Variants in CEACAM1 observed in about 807,000 individuals in gnomAD.
CEACAM1 encodes CEA cell adhesion molecule 1, also known as cell adhesion molecule CEACAM1.
CEACAM1 carries 31 observed loss-of-function variants against 49.1 expected under a neutral mutation model. The observed-to-expected ratio is 0.63, with a 90% CI of 0.47 to 0.85. CEACAM1 has a LOEUF of 0.85. Ranked by LOEUF, CEACAM1 falls within the 40% of genes least tolerant of loss-of-function variation. The pLI, the probability that CEACAM1 is intolerant of heterozygous loss-of-function variation, is 0.00. For missense variants in CEACAM1, 570 were observed against 645.3 expected, an observed-to-expected ratio of 0.88 and a Z score of 1.26; for synonymous variants, 244 against 247.8, an observed-to-expected ratio of 0.98 and a Z score of 0.14.
Position 42,508,966 on chromosome 19 carries a change from TG to T in CEACAM1, c.*142del. 2 of 877,626 alleles carry T rather than the reference TG, an allele frequency of 2.3e-6. No homozygotes were observed. The highest frequency in any genetic ancestry group is 1.8e-6 in the Non-Finnish European group (1 of 569,156). 54.4% of individuals were successfully genotyped at this position (877,626 alleles called of 1,614,324 possible). Reference sequence around the variant, plus strand: ...AGAGAGGGGCAGTGACCAGGCAGCCTGGAGATGCCTATTAGGAAGGAAGAGT... The same window carrying T: ...AGAGAGGGGCAGTGACCAGGCAGCCTGAGATGCCTATTAGGAAGGAAGAGT... On this transcript the variant is annotated 3_prime_UTR_variant, in exon 9 of 9. Coordinates refer to ENST00000161559, the MANE Select transcript of CEACAM1 (RefSeq NM_001712.5).
At chr19:42,525,595 C>CTGA (rs1192059680) in intron 2 of CEACAM1, 1 of 152,202 alleles carries the variant, frequency 6.6e-6, no homozygotes, top group African/African-American at 2.4e-5. Flanking sequence ...TTGGTTAATT[C>CTGA]TCCATTTGAT....
chr19:42,525,428 A>T (rs1344834480), intron 2 of CEACAM1, among the ~76,000 whole-genome samples: 5 of 151,906 alleles, frequency 3.3e-5, no homozygotes, highest in Admixed American at 6.6e-5. Context: ...GGGTTTCACC[A>T]TGTTGGCCAG....
intron 2 of CEACAM1, among the ~76,000 whole-genome samples, chr19:42,524,217 A>G (rs972992602): frequency 9.9e-5 from 15 of 152,216 alleles, no homozygotes; most frequent in Non-Finnish European, 1.2e-4. Flanking sequence ...CCTTATGACA[A>G]TGGTGTCATC....
chr19:42,520,716 ACACCTTCTGCACACACCTGCGTCCTAC>A (rs1272577084), intron 4 of CEACAM1: 11 of 154,810 alleles, frequency 7.1e-5, no homozygotes, highest in African/African-American at 2.2e-4. Flanking sequence ...GGCCACCTGG[ACACCTTCTGCACACACCTGCGTCCTAC>A]CCCACATGGG....
Position 42,521,188 on chromosome 19 carries a change from A to C in CEACAM1, c.958+79T>G, listed in dbSNP as rs548335226. ...CTGTTGGATACAGGCTGCAAAAGAA[A>C]ATTTCTTCTCTGCTCCTATTTGAAA... On this transcript the variant is annotated intron_variant, in intron 4 of 8. Coordinates refer to ENST00000161559, the MANE Select transcript of CEACAM1 (RefSeq NM_001712.5). The C allele has an allele frequency of 3.2e-6, 5 of 1,539,824 alleles. 1 individual carries two copies. The African/African-American group carries it at 6.9e-5, about 21-fold the overall frequency.
At chr19:42,512,703 A>T (rs2041490487) in intron 5 of CEACAM1, among the ~76,000 whole-genome samples, 1 of 148,242 alleles carries the variant, frequency 6.7e-6, no homozygotes, top group Non-Finnish European at 1.5e-5. Flanking sequence ...TTTGAGACAG[A>T]GTCTTGCTCT....
At chr19:42,512,198 A>G in intron 6 of CEACAM1, 152 bp downstream of exon 6, 1 of 804,274 alleles carries the variant, frequency 1.2e-6, no homozygotes. Context: ...AGACCAGGGA[A>G]GAGGAAACCT....
intron 2 of CEACAM1, among the ~76,000 whole-genome samples, chr19:42,523,948 A>G (rs113896770): frequency 6.6e-6 from 1 of 152,232 alleles, no homozygotes; most frequent in African/African-American, 2.4e-5. Context: ...GAGAGTTCTC[A>G]ATTGCATTAA....
chr19:42,516,905 C>T, intron 5 of CEACAM1: 2 of 419,666 alleles, frequency 4.8e-6, no homozygotes, highest in South Asian at 1.7e-5. Flanking sequence ...AACAAAAAAA[C>T]CCAAACAACA....
At chr19:42,518,617 C>T in intron 5 of CEACAM1, 1 of 289,190 alleles carries the variant, frequency 3.5e-6, no homozygotes, top group Non-Finnish European at 6.6e-6. Flanking sequence ...CCCGCCTCAG[C>T]CTCCCGAGTA....
chr19:42,516,960 A>G, intron 5 of CEACAM1: 2 of 335,054 alleles, frequency 6.0e-6, no homozygotes, highest in South Asian at 4.6e-5. Context: ...AGTAATCAAA[A>G]CAGTATGGTA....
intron 2 of CEACAM1, among the ~76,000 whole-genome samples, chr19:42,526,137 T>A (rs1211921908): frequency 6.6e-6 from 1 of 152,076 alleles, no homozygotes; most frequent in East Asian, 1.9e-4. Flanking sequence ...TTTGTATTTT[T>A]AGTAGAGACG....
At chr19:42,520,945 A>G in intron 4 of CEACAM1, 1 of 327,174 alleles carries the variant, frequency 3.1e-6, no homozygotes, top group Non-Finnish European at 5.7e-6. Flanking sequence ...AGAAAGGGAC[A>G]TGTTAGTGAC....
At chr19:42,526,912 C>G (rs985267148) in intron 2 of CEACAM1, 129 bp downstream of exon 2, 2 of 1,440,622 alleles carry the variant, frequency 1.4e-6, no homozygotes, top group African/African-American at 2.8e-5. Context: ...GTGTCCTGCA[C>G]TAGATGCTCA....
intron 7 of CEACAM1, chr19:42,511,176 T>C (rs2041447352): frequency 1.7e-6 from 1 of 584,552 alleles, no homozygotes; most frequent in Admixed American, 3.0e-5. Flanking sequence ...CAGATGTGTT[T>C]CTCAGCAACA....
Position 42,527,024 on chromosome 19 carries a change from C to T in CEACAM1, c.424+17G>A. The T allele has an allele frequency of 6.3e-7, 1 of 1,583,568 alleles. No individual in the cohort carries two copies. Among genetic ancestry groups the T allele is most frequent in the Non-Finnish European group, 8.6e-7 (1 of 1,165,792 alleles). ...AACTAACCCCCCAACACCCAGAGGT[C>T]ATGGGGAAATACTCACGGTATACAT... On this transcript the variant is annotated intron_variant, in intron 2 of 8. Coordinates refer to ENST00000161559, the MANE Select transcript of CEACAM1 (RefSeq NM_001712.5).
At position 42,527,265 on chromosome 19, in the gene CEACAM1, C is replaced by T; in HGVS notation, c.200G>A (p.Trp67Ter). The change falls in exon 2 of 9, where the codon TGG becomes TAG. Residue 67 changes from tryptophan (W) to a stop codon, truncating the protein, a stop_gained. Coordinates refer to ENST00000161559, the MANE Select transcript of CEACAM1 (RefSeq NM_001712.5). LOFTEE classifies it high-confidence loss of function. ...NLPQQLFGYS[W>*]YKGERVDGNR... ...GCCATCCACTCTTTCCCCTTTGTAC[C>T]AGCTGTAGCCAAAAAGTTGCTGGGG... 1 of 1,614,024 alleles carries T rather than the reference C, an allele frequency of 6.2e-7. No homozygotes were observed.
At chr19:42,517,988 A>T (rs547387779) in intron 5 of CEACAM1, among the ~76,000 whole-genome samples, 2 of 152,350 alleles carry the variant, frequency 1.3e-5, no homozygotes, top group South Asian at 2.1e-4. Flanking sequence ...ACACAGCATA[A>T]TATTATTCAG....
At chr19:42,513,708 A>G (rs2041519661) in intron 5 of CEACAM1, among the ~76,000 whole-genome samples, 1 of 147,972 alleles carries the variant, frequency 6.8e-6, no homozygotes, top group East Asian at 2.0e-4. Context: ...CTCTCGCCTT[A>G]CTTTCCCTCA....
Sources: allele counts gnomAD v4.1 joint callset (sites outside exome capture counted in the v4.1 genomes callset), GRCh38; gene constraint gnomAD v4.1.1; transcripts MANE v1.5; gene names NCBI Gene and HGNC (gene_info 2026-07-23, HGNC 2026-07-21).